TNFSF4: variants seen among roughly 807,000 people sequenced by gnomAD.
TNFSF4 encodes tumor necrosis factor ligand superfamily member 4.
Under a neutral mutation model 7.3 loss-of-function variants are expected in TNFSF4, and 4 were observed. The ratio of observed to expected loss-of-function variants is 0.55; its 90% CI spans 0.27 to 1.25. The LOEUF (loss-of-function observed/expected upper bound fraction) is 1.25. Among genes scored for constraint, TNFSF4 ranks in the 50% most tolerant of loss-of-function variants. The probability of loss-of-function intolerance (pLI) is 0.12; values close to 1 mark genes in which losing one functional copy is unlikely to be tolerated. For synonymous variants in TNFSF4, 76 were observed against 83.7 expected, an observed-to-expected ratio of 0.91 and a Z score of 0.50; for missense variants, 181 against 208.8, an observed-to-expected ratio of 0.87 and a Z score of 0.82.
the TNFSF4 span, among the ~76,000 whole-genome samples, chr1:173,213,261 G>A: frequency 6.6e-6 from 1 of 152,024 alleles, no homozygotes; most frequent in Non-Finnish European, 1.5e-5. Flanking sequence ...TTGTTCTGAT[G>A]CCAATTTTCC....
the TNFSF4 span, among the ~76,000 whole-genome samples, chr1:173,277,699 A>G: frequency 1.3e-5 from 2 of 152,142 alleles, no homozygotes; most frequent in Non-Finnish European, 2.9e-5. Flanking sequence ...AATGCTAATA[A>G]TAATGGACAC....
intron 1 of TNFSF4, among the ~76,000 whole-genome samples, chr1:173,190,491 C>A (rs1371513323): frequency 6.6e-6 from 1 of 152,140 alleles, no homozygotes; most frequent in Non-Finnish European, 1.5e-5. Flanking sequence ...CATTCTGAGC[C>A]CTGCCAGGGA....
chr1:173,280,044 CCT>C, the TNFSF4 span, among the ~76,000 whole-genome samples: 1 of 152,026 alleles, frequency 6.6e-6, no homozygotes, highest in Non-Finnish European at 1.5e-5. Context: ...TTCAGTCTTT[CCT>C]CTGTTTTATA....
chr1:173,345,243 C>T, the TNFSF4 span, among the ~76,000 whole-genome samples: 189 of 152,322 alleles, frequency 1.2e-3, no homozygotes, highest in Non-Finnish European at 2.3e-3. Context: ...ATAATACACA[C>T]ACCTCACACA....
At chr1:173,222,093 C>T in the TNFSF4 span, among the ~76,000 whole-genome samples, 2 of 152,196 alleles carry the variant, frequency 1.3e-5, no homozygotes, top group African/African-American at 2.4e-5. Flanking sequence ...CCTGGATTTA[C>T]TCCAACTAAA....
At chr1:173,344,746 C>A in the TNFSF4 span, among the ~76,000 whole-genome samples, 1 of 152,182 alleles carries the variant, frequency 6.6e-6, no homozygotes, top group Admixed American at 6.5e-5. Context: ...AAGTTCATTA[C>A]GAGAGGACAA....
upstream of TNFSF4, among the ~76,000 whole-genome samples, chr1:173,210,305 G>A (rs558735233): frequency 1.2e-3 from 181 of 152,032 alleles, no homozygotes; most frequent in Middle Eastern, 6.8e-3. Context: ...CAGTGCAGAA[G>A]GGAAGGGTGC....
At chr1:173,334,602 T>A in the TNFSF4 span, among the ~76,000 whole-genome samples, 3 of 152,152 alleles carry the variant, frequency 2.0e-5, no homozygotes, top group Non-Finnish European at 4.4e-5. Flanking sequence ...CTGTCTACTG[T>A]TAAAATGATT....
At chr1:173,412,411 G>A in the TNFSF4 span, among the ~76,000 whole-genome samples, 2 of 152,190 alleles carry the variant, frequency 1.3e-5, no homozygotes, top group African/African-American at 4.8e-5. Context: ...ATCTCAGAGT[G>A]TGCAAAGATT....
the TNFSF4 span, among the ~76,000 whole-genome samples, chr1:173,370,092 A>G: frequency 2.0e-5 from 3 of 152,104 alleles, no homozygotes; most frequent in African/African-American, 4.8e-5. Context: ...ACCCGAGTAC[A>G]TATCCCCTTC....
At chr1:173,261,155 C>T in the TNFSF4 span, among the ~76,000 whole-genome samples, 6 of 152,162 alleles carry the variant, frequency 3.9e-5, no homozygotes, top group African/African-American at 1.4e-4. Flanking sequence ...GAAAGTAGCG[C>T]AATCAAATTA....
the TNFSF4 span, among the ~76,000 whole-genome samples, chr1:173,348,278 A>G: frequency 6.6e-6 from 1 of 152,144 alleles, no homozygotes; most frequent in Non-Finnish European, 1.5e-5. Flanking sequence ...GTCTCATGAG[A>G]TCTGATCGTT....
At chr1:173,437,808 A>G in the TNFSF4 span, among the ~76,000 whole-genome samples, 2 of 152,168 alleles carry the variant, frequency 1.3e-5, no homozygotes, top group Admixed American at 6.5e-5. Flanking sequence ...TTAATATCCC[A>G]TTGCAAACAT....
In TNFSF4 at chr1:173,186,860, T is replaced by A; in HGVS notation, c.208A>T (p.Lys70Ter). ...QSIKVQFTEY[K>*]KEKGFILTSQ... Reference sequence around the variant, plus strand: ...GTGAGGATGAAACCTTTCTCCTTCTTATATTCTAGGGAGGATAGGGGAAAA... The same window carrying A: ...GTGAGGATGAAACCTTTCTCCTTCTAATATTCTAGGGAGGATAGGGGAAAA... Residue 70 changes from lysine to a stop codon, truncating the protein, a stop_gained, in exon 3 of 3, where the codon AAG becomes TAG. Coordinates refer to ENST00000281834, the MANE Select transcript of TNFSF4 (RefSeq NM_003326.5). LOFTEE classifies it low-confidence loss of function (END_TRUNC). 6.3e-7 allele frequency: 1 copy of A among 1,589,874 alleles called. No homozygotes were observed. Among genetic ancestry groups the A allele is most frequent in the Non-Finnish European group, 8.6e-7 (1 of 1,166,998 alleles).
rs1402160067 is a variant in TNFSF4, at chr1:173,185,328, G to C, written c.*1188C>G. On this transcript the variant is annotated 3_prime_UTR_variant, in exon 3 of 3. Coordinates refer to ENST00000281834, the MANE Select transcript of TNFSF4 (RefSeq NM_003326.5). ...GCATAACACATTATATCAAGTTAAGGGGACATTTCAACTAAACATAAGGGG... is the reference window on the plus strand; with the variant it reads ...GCATAACACATTATATCAAGTTAAGCGGACATTTCAACTAAACATAAGGGG... 1.3e-5 allele frequency: 2 copies of C among 152,156 alleles called. No individual in the cohort carries two copies. Among genetic ancestry groups the C allele is most frequent in the African/African-American group, 2.4e-5 (1 of 41,426 alleles). The allele number at this position is 152,156 out of a possible 1,614,324, so 9.4% of individuals were successfully genotyped here.
chr1:173,231,213 C>T, the TNFSF4 span, among the ~76,000 whole-genome samples: 2 of 152,164 alleles, frequency 1.3e-5, no homozygotes, highest in African/African-American at 2.4e-5. Context: ...ACTGGCAAAC[C>T]GAATCCAGCA....
the TNFSF4 span, among the ~76,000 whole-genome samples, chr1:173,437,233 T>C: frequency 1.3e-5 from 2 of 152,240 alleles, no homozygotes; most frequent in Non-Finnish European, 1.5e-5. Context: ...CCTTTTGCTA[T>C]AATAAAATTG....
the TNFSF4 span, among the ~76,000 whole-genome samples, chr1:173,349,170 A>T: frequency 1.3e-5 from 2 of 152,050 alleles, no homozygotes; most frequent in Non-Finnish European, 2.9e-5. Flanking sequence ...CTGGGACTAC[A>T]GGCGCCCGCT....
the TNFSF4 span, among the ~76,000 whole-genome samples, chr1:173,413,664 C>T: frequency 6.6e-6 from 1 of 152,200 alleles, no homozygotes; most frequent in Non-Finnish European, 1.5e-5. Flanking sequence ...CATAGCCCTG[C>T]AGTCCTCACG....
Sources: gnomAD v4.1 joint callset for allele counts (sites outside exome capture counted in the v4.1 genomes callset) on GRCh38, gnomAD v4.1.1 for gene constraint, MANE v1.5 for transcripts, NCBI Gene and HGNC (gene_info 2026-07-23, HGNC 2026-07-21) for gene names.